Variants in TOP1 observed in about 807,000 individuals in gnomAD.
TOP1 encodes the protein DNA topoisomerase I.
TOP1 carries 10 observed loss-of-function variants against 111.1 expected under a neutral mutation model. The ratio of observed to expected loss-of-function variants is 0.09; its 90% CI spans 0.06 to 0.15. The LOEUF is 0.15. Among genes scored for constraint, TOP1 ranks in the 10% least tolerant of loss-of-function variants. The pLI is 1.00. For synonymous variants in TOP1, 271 were observed against 302.9 expected, an observed-to-expected ratio of 0.89 and a Z score of 1.10; for missense variants, 474 against 926.7, an observed-to-expected ratio of 0.51 and a Z score of 6.34.
At chr20:41,066,728 ATAT>A (rs2033613082) in intron 3 of TOP1, among the ~76,000 whole-genome samples, 1 of 151,094 alleles carries the variant, frequency 6.6e-6, no homozygotes, top group Admixed American at 6.6e-5. Context: ...CTAATTTTTT[ATAT>A]TTTTAGTAGA....
intron 2 of TOP1, among the ~76,000 whole-genome samples, chr20:41,053,783 C>T (rs1383550408): frequency 2.0e-5 from 3 of 152,110 alleles, no homozygotes; most frequent in Admixed American, 2.0e-4. Flanking sequence ...TACATTCTGC[C>T]TCCTTTGTTT....
chr20:41,029,094 T>C lies in TOP1; in HGVS notation c.27T>C (p.Asp9=). 1 of 1,532,030 alleles carries C rather than the reference T, an allele frequency of 6.5e-7. No individual in the cohort carries two copies. Among genetic ancestry groups the C allele is most frequent in the East Asian group, 2.6e-5 (1 of 37,762 alleles). The allele number at this position is 1,532,030 out of a possible 1,614,324, so 94.9% of individuals were successfully genotyped here. A position where few individuals can be genotyped will look rare whatever the true frequency, so the allele number is the denominator to read the frequency against. ...TGAGTGGGGACCACCTCCACAACGA[T>C]TCCCAGGTACGGCCCGGCCTGACCC... MSGDHLHN[D]SQIEADFRLN... is the part of the protein sequence containing the mutation. The change falls in exon 1 of 21, where the codon GAT becomes GAC. Residue 9 remains aspartate, a synonymous_variant. Coordinates refer to ENST00000361337, the MANE Select transcript of TOP1 (RefSeq NM_003286.4). This position sits in a 1 kb window ranked among gnomAD's most constrained non-coding sequence, Gnocchi z 6.1.
chr20:41,066,716 C>T (rs764612826), intron 3 of TOP1, among the ~76,000 whole-genome samples: 26 of 151,508 alleles, frequency 1.7e-4, no homozygotes, highest in East Asian at 3.9e-4. Context: ...CACCATGCCC[C>T]GCTAATTTTT....
Position 41,101,245 on chromosome 20 carries a change from G to C in TOP1, c.1200G>C (p.Lys400Asn), listed in dbSNP as rs747937612. The C allele has an allele frequency of 6.2e-7, 1 of 1,613,978 alleles. No individual in the cohort carries two copies. The highest frequency in any genetic ancestry group is 8.5e-7 in the Non-Finnish European group (1 of 1,179,962). Reference sequence around the variant, plus strand: ...TTCCTTCTCCTCCTCCAGGACATAAGTGGAAAGAAGTCCGGCATGATAACA... The same window carrying C: ...TTCCTTCTCCTCCTCCAGGACATAACTGGAAAGAAGTCCGGCATGATAACA... ...AKVPSPPPGH[K>N]WKEVRHDNKV... Residue 400 changes from lysine (K) to asparagine (N), a missense_variant, in exon 13 of 21, where the codon AAG becomes AAC. Physicochemically the swap from Lys to Asn is moderately conservative, Grantham distance 94 (BLOSUM62 0). This residue lies in a region of TOP1 where 7 missense variants were observed against 57.3 expected (regional missense o/e 0.12). Coordinates refer to ENST00000361337, the MANE Select transcript of TOP1 (RefSeq NM_003286.4). The surrounding 1 kb of genome is among the most constrained non-coding windows in gnomAD (Gnocchi z 4.1).
intron 3 of TOP1, among the ~76,000 whole-genome samples, chr20:41,068,538 C>T (rs2033634021): frequency 6.6e-6 from 1 of 152,080 alleles, no homozygotes; most frequent in Admixed American, 6.5e-5. Context: ...ATAGCTGGGA[C>T]AATAGGCATG....
chr20:41,111,602 C>CTTT (rs1163578974), intron 13 of TOP1, among the ~76,000 whole-genome samples: 1 of 117,138 alleles, frequency 8.5e-6, no homozygotes, highest in African/African-American at 3.1e-5. Context: ...CCCCCGCCCC[C>CTTT]TTTTTTTTTT....
chr20:41,103,794 A>G (rs2034101871), intron 13 of TOP1, among the ~76,000 whole-genome samples: 1 of 152,100 alleles, frequency 6.6e-6, no homozygotes, highest in Non-Finnish European at 1.5e-5. Context: ...CTCTATTAGA[A>G]ACACCCATTC....
At position 41,114,770 on chromosome 20, in the gene TOP1, C is replaced by T. The variant is rs995429225; in HGVS notation, c.1639-601C>T. Reference sequence around the variant, plus strand: ...GGGTACTATAGCTCTGTAGTCCCAACCTAATCTTTTCCATAGTATTGGGCT... The same window carrying T: ...GGGTACTATAGCTCTGTAGTCCCAATCTAATCTTTTCCATAGTATTGGGCT... On this transcript the variant is annotated intron_variant, in intron 15 of 20. Transcript: ENST00000361337. The surrounding 1 kb of genome is among the most constrained non-coding windows in gnomAD (Gnocchi z 4.5). 6.6e-6 allele frequency among the ~76,000 whole-genome samples: 1 copy of T among 152,204 alleles called. No homozygotes were observed. The highest frequency in any genetic ancestry group is 6.5e-5 in the Admixed American group (1 of 15,284).
chr20:41,073,390 A>C, intron 3 of TOP1: 2 of 982,400 alleles, frequency 2.0e-6, no homozygotes, highest in Non-Finnish European at 2.4e-6. Context: ...AAAAAAAAAG[A>C]AAGAAAGAAA....
Position 41,076,174 on chromosome 20 carries a change from A to G in TOP1, c.159A>G (p.Glu53=), listed in dbSNP as rs773155637. Residue 53 remains glutamate, a synonymous_variant, in exon 4 of 21, where the codon GAA becomes GAG. Coordinates refer to ENST00000361337, the MANE Select transcript of TOP1 (RefSeq NM_003286.4). ...TTTGTGACTTAACTTTTTACAGTGA[A>G]CATAAAGATTCTGAAAAGAAACACA... ...DREKSKHSNS[E]HKDSEKKHKE... is the part of the protein sequence containing the mutation. 1 of 1,608,756 alleles carries G rather than the reference A, an allele frequency of 6.2e-7. No homozygotes were observed. Among genetic ancestry groups the G allele is most frequent in the East Asian group, 2.2e-5 (1 of 44,804 alleles).
chr20:41,092,632 C>A lies in TOP1; in HGVS notation c.730+45C>A. 1 of 935,234 alleles carries A rather than the reference C, an allele frequency of 1.1e-6. No individual in the cohort carries two copies. Among genetic ancestry groups the A allele is most frequent in the Non-Finnish European group, 1.7e-6 (1 of 604,454 alleles). The allele number at this position is 935,234 out of a possible 1,614,324, so 57.9% of individuals were successfully genotyped here. A position where few individuals can be genotyped will look rare whatever the true frequency, so the allele number is the denominator to read the frequency against. ...TTGATTCTTGGCCAGGAAAAGAAAT[C>A]TGCTTCTATTTAGGGATAGAAAACA... On this transcript the variant is annotated intron_variant, in intron 9 of 20. Coordinates refer to ENST00000361337, the MANE Select transcript of TOP1 (RefSeq NM_003286.4). The surrounding 1 kb of genome is among the most constrained non-coding windows in gnomAD (Gnocchi z 4.3).
chr20:41,033,651 G>A lies in TOP1; in HGVS notation c.58+4196G>A, dbSNP rs370155460. The stretch of plus-strand genomic sequence containing the variant: ...ATGGTATGGAAAATGATTCTGTTGT[G>A]CTTTCTGAATACATATCATTTTAGA... On this transcript the variant is annotated intron_variant, in intron 2 of 20. Transcript: ENST00000361337. Among the ~76,000 whole-genome samples, 171 of 152,194 alleles carry A rather than the reference G, an allele frequency of 1.1e-3. 3 individuals carry two copies. The South Asian group carries it at 0.035, about 31-fold the overall frequency.
intron 13 of TOP1, among the ~76,000 whole-genome samples, chr20:41,104,787 T>C (rs1224722928): frequency 1.3e-5 from 2 of 152,226 alleles, no homozygotes; most frequent in Non-Finnish European, 2.9e-5. Context: ...TTGCTCTCAG[T>C]TCTCTTTTAG....
At position 41,122,431 on chromosome 20, in the gene TOP1, A is replaced by C. The variant is rs116559734; in HGVS notation, c.2195+276A>C. The stretch of plus-strand genomic sequence containing the variant: ...AGGTGCCATCCCTATTCCTAATGGA[A>C]CTTTAGGACAGGAATGGAAACTCTT... On this transcript the variant is annotated intron_variant, in intron 20 of 20. Coordinates refer to ENST00000361337, the MANE Select transcript of TOP1 (RefSeq NM_003286.4). The surrounding 1 kb of genome is among the most constrained non-coding windows in gnomAD (Gnocchi z 5.4). 0.012 allele frequency among the ~76,000 whole-genome samples: 1,789 copies of C among 152,046 alleles called. 37 individuals are homozygous for C. The highest frequency in any genetic ancestry group is 0.04 in the African/African-American group (1,648 of 41,550).
Position 41,118,379 on chromosome 20 carries a change from C to T in TOP1, c.1950+83C>T. 6.5e-7 allele frequency: 1 copy of T among 1,529,320 alleles called. No homozygotes were observed. The highest frequency in any genetic ancestry group is 1.8e-5 in the Admixed American group (1 of 55,154). 94.7% of individuals were successfully genotyped at this position (1,529,320 alleles called of 1,614,324 possible). On this transcript the variant is annotated intron_variant, in intron 18 of 20. Transcript: ENST00000361337. The surrounding 1 kb of genome is among the most constrained non-coding windows in gnomAD (Gnocchi z 4.6). The stretch of plus-strand genomic sequence containing the variant: ...AGAGGATTCAGGGCTGAGATATCAG[C>T]AGGCCAGTGCTGGGTCTGTTGTAGA...
At position 41,098,379 on chromosome 20, in the gene TOP1, G is replaced by A. The variant is rs774538401; in HGVS notation, c.975+42G>A. ...TAAACCTCTGGAGAATTCTGGAATT[G>A]TGATTGGTTCATTTAACTTTCTTCT... is the stretch of plus-strand genomic sequence containing the variant. On this transcript the variant is annotated intron_variant, in intron 11 of 20. Coordinates refer to ENST00000361337, the MANE Select transcript of TOP1 (RefSeq NM_003286.4). This position sits in a 1 kb window ranked among gnomAD's most constrained non-coding sequence, Gnocchi z 5.7. The A allele has an allele frequency of 7.5e-6, 12 of 1,594,870 alleles. No homozygotes were observed. The highest frequency in any genetic ancestry group is 9.4e-6 in the Non-Finnish European group (11 of 1,171,402).
chr20:41,121,093 G>A lies in TOP1; in HGVS notation c.1951-603G>A, dbSNP rs1285740548. Among the ~76,000 whole-genome samples the A allele has an allele frequency of 6.6e-6, 1 of 152,184 alleles. No individual in the cohort carries two copies. Among genetic ancestry groups the A allele is most frequent in the Non-Finnish European group, 1.5e-5 (1 of 68,042 alleles). The stretch of plus-strand genomic sequence containing the variant: ...CCAAAGCTAAGCCCTGCCATGTCCT[G>A]GTTTGGGACAGACTGGCTGAGCTGT... On this transcript the variant is annotated intron_variant, in intron 18 of 20. Coordinates refer to ENST00000361337, the MANE Select transcript of TOP1 (RefSeq NM_003286.4). This position sits in a 1 kb window ranked among gnomAD's most constrained non-coding sequence, Gnocchi z 4.2.
At chr20:41,033,608 C>T (rs1291396196) in intron 2 of TOP1, among the ~76,000 whole-genome samples, 1 of 152,010 alleles carries the variant, frequency 6.6e-6, no homozygotes, top group African/African-American at 2.4e-5. Context: ...TATATAGTAA[C>T]AGTTGTCCCT....
chr20:41,073,243 G>A (rs2033687674), intron 3 of TOP1: 3 of 985,304 alleles, frequency 3.0e-6, no homozygotes, highest in Non-Finnish European at 3.6e-6. Flanking sequence ...TAGTGAAAAT[G>A]GCTAACATTC....
Sources: allele counts gnomAD v4.1 joint callset (sites outside exome capture counted in the v4.1 genomes callset), GRCh38; gene constraint gnomAD v4.1.1; regional missense constraint gnomAD v4.1.1; non-coding constraint Gnocchi (gnomAD v3.1); transcripts MANE v1.5; gene names NCBI Gene and HGNC (gene_info 2026-07-23, HGNC 2026-07-21).